RAB9A: variants seen among roughly 807,000 people sequenced by gnomAD.
The protein encoded by RAB9A is ras-related protein Rab-9A.
Under a neutral mutation model 10.3 loss-of-function variants are expected in RAB9A, and 1 was observed. That is an observed-to-expected ratio of 0.10 (90% CI 0.03 to 0.46). The LOEUF is 0.46. RAB9A is among the 20% of genes least tolerant of loss of function. The pLI, the probability that RAB9A is intolerant of heterozygous loss-of-function variation, is 0.96. For synonymous variants in RAB9A, 39 were observed against 55.2 expected, an observed-to-expected ratio of 0.71 and a Z score of 1.30; for missense variants, 92 against 150.3, an observed-to-expected ratio of 0.61 and a Z score of 2.03.
intron 1 of RAB9A, among the ~76,000 whole-genome samples, chrX:13,694,897 G>C (rs62586107): frequency 0.27 from 30,005 of 110,858 alleles, 3,176 homozygotes; most frequent in Non-Finnish European, 0.33. Flanking sequence ...GCTAAGCTGA[G>C]GGGAGGGACA....
At chrX:13,701,496 C>G (rs768244863) in intron 1 of RAB9A, among the ~76,000 whole-genome samples, 1 of 111,284 alleles carries the variant, frequency 9.0e-6, no homozygotes, top group African/African-American at 3.3e-5. Context: ...TTGGTGCAAT[C>G]TAAAACATTG....
At chrX:13,691,659 CAAAAAAA>C (rs765886332) in intron 1 of RAB9A, among the ~76,000 whole-genome samples, 6 of 15,933 alleles carry the variant, frequency 3.8e-4, no homozygotes, top group Admixed American at 1.1e-3. Flanking sequence ...GACTCCATCT[CAAAAAAA>C]AAAAAAAAAA....
At chrX:13,699,474 G>A (rs1237443663) in intron 1 of RAB9A, among the ~76,000 whole-genome samples, 1 of 112,644 alleles carries the variant, frequency 8.9e-6, no homozygotes, top group Non-Finnish European at 1.9e-5. Context: ...GGTGTTGTGT[G>A]TCCCTCCCAG....
intron 1 of RAB9A, among the ~76,000 whole-genome samples, chrX:13,691,516 C>T (rs1454516555): frequency 9.1e-6 from 1 of 109,493 alleles, no homozygotes; most frequent in Non-Finnish European, 1.9e-5. Flanking sequence ...AAAAATTAGC[C>T]AGGCGTGGTG....
At chrX:13,691,480 T>C (rs2046122899) in intron 1 of RAB9A, among the ~76,000 whole-genome samples, 1 of 109,878 alleles carries the variant, frequency 9.1e-6, no homozygotes, top group Non-Finnish European at 1.9e-5. Context: ...GCCAACATGG[T>C]GAAACTCCGT....
intron 1 of RAB9A, among the ~76,000 whole-genome samples, chrX:13,697,573 T>C (rs2046152874): frequency 8.9e-6 from 1 of 112,024 alleles, no homozygotes; most frequent in African/African-American, 3.2e-5. Context: ...TTCCCATGAG[T>C]AAGGCTGTTC....
In RAB9A at chrX:13,709,384, C is replaced by A; in HGVS notation, c.*32C>A. The A allele has an allele frequency of 8.7e-7, 1 of 1,153,432 alleles. No homozygotes were observed. The stretch of plus-strand genomic sequence containing the variant: ...GATTGTTGATGCATTCTAACCAACT[C>A]ACACATATACACAAAATCAACATGG... On this transcript the variant is annotated 3_prime_UTR_variant, in exon 3 of 3. Coordinates refer to ENST00000464506, the MANE Select transcript of RAB9A (RefSeq NM_004251.5).
intron 1 of RAB9A, among the ~76,000 whole-genome samples, chrX:13,698,565 C>G (rs1425015518): frequency 5.4e-5 from 6 of 111,334 alleles, no homozygotes. Flanking sequence ...CTTTCTTTTG[C>G]TTCTTCCTGC....
chrX:13,695,412 T>C (rs945659456), intron 1 of RAB9A, among the ~76,000 whole-genome samples: 2 of 111,999 alleles, frequency 1.8e-5, no homozygotes, highest in Non-Finnish European at 3.8e-5. Flanking sequence ...GACTTCTGTT[T>C]ATTGATCTAT....
intron 1 of RAB9A, among the ~76,000 whole-genome samples, chrX:13,700,668 G>C (rs1368255753): frequency 3.6e-5 from 4 of 112,101 alleles, no homozygotes; most frequent in Non-Finnish European, 7.5e-5. Context: ...GGATGCTGCT[G>C]AAGGGACAAG....
At chrX:13,698,202 T>C (rs2046157183) in intron 1 of RAB9A, among the ~76,000 whole-genome samples, 1 of 86,328 alleles carries the variant, frequency 1.2e-5, no homozygotes, top group Non-Finnish European at 2.3e-5. Context: ...TTTTTTTTTT[T>C]TTTTTTTTTT....
At chrX:13,706,303 T>C (rs1387904308) in intron 2 of RAB9A, among the ~76,000 whole-genome samples, 1 of 112,029 alleles carries the variant, frequency 8.9e-6, no homozygotes, top group Non-Finnish European at 1.9e-5. Context: ...AAAAAGTCTC[T>C]CAAAAGGTAT....
intron 1 of RAB9A, among the ~76,000 whole-genome samples, chrX:13,702,435 C>T (rs1024110150): frequency 8.9e-6 from 1 of 112,066 alleles, no homozygotes; most frequent in Non-Finnish European, 1.9e-5. Context: ...CACTAGAAAC[C>T]GATGTACAGT....
intron 1 of RAB9A, among the ~76,000 whole-genome samples, chrX:13,698,190 C>CT (rs67802719): frequency 2.1e-3 from 80 of 38,301 alleles, no homozygotes; most frequent in Non-Finnish European, 2.9e-3. Context: ...TCTTTTTTTT[C>CT]TTTTTTTTTT....
At chrX:13,691,199 G>T (rs947547863) in intron 1 of RAB9A, among the ~76,000 whole-genome samples, 4 of 111,641 alleles carry the variant, frequency 3.6e-5, no homozygotes, top group African/African-American at 9.8e-5. Flanking sequence ...CTAGTGCCAC[G>T]GTTGAGAAAC....
At position 13,696,147 on chromosome X, in the gene RAB9A, C is replaced by G. The variant is rs189898864; in HGVS notation, c.-116+6859C>G. ...TTGAGGCCAGGCACGGTGGCTCACA[C>G]CTGTAATCCTAGCACTTTGGGAGGC... On this transcript the variant is annotated intron_variant, in intron 1 of 2. Transcript: ENST00000464506. 3.7e-5 allele frequency among the ~76,000 whole-genome samples: 4 copies of G among 109,002 alleles called. No homozygotes were observed. In the East Asian group the frequency reaches 1.1e-3, roughly 31 times the overall value. The allele number at this position is 109,002 out of a possible 115,157, so 94.7% of individuals were successfully genotyped here. A position where few individuals can be genotyped will look rare whatever the true frequency, so the allele number is the denominator to read the frequency against.
At chrX:13,696,105 T>C (rs778313127) in intron 1 of RAB9A, among the ~76,000 whole-genome samples, 2 of 110,470 alleles carry the variant, frequency 1.8e-5, no homozygotes, top group South Asian at 7.7e-4. Context: ...GTTTCCTTAT[T>C]TGTTTTTAAA....
chrX:13,699,362 A>G, intron 1 of RAB9A, among the ~76,000 whole-genome samples: 1 of 112,265 alleles, frequency 8.9e-6, no homozygotes, highest in Middle Eastern at 4.6e-3. Flanking sequence ...GAAGTAATAT[A>G]CTCTTCGTTC....
rs192031395 is a variant in RAB9A at position 13,695,565 on chromosome X, A to G, written c.-116+6277A>G. Among the ~76,000 whole-genome samples the G allele has an allele frequency of 4.4e-3, 501 of 112,682 alleles. 2 individuals carry two copies. The highest frequency in any genetic ancestry group is 7.8e-3 in the Non-Finnish European group (417 of 53,356). ...TTTGAGCAAGCAAGGCAATAGCAAT[A>G]GGTAGTGCGAAAAGTGGACATATTT... On this transcript the variant is annotated intron_variant, in intron 1 of 2. Transcript: ENST00000464506.
Sources: allele counts gnomAD v4.1 joint callset (sites outside exome capture counted in the v4.1 genomes callset), GRCh38; gene constraint gnomAD v4.1.1; transcripts MANE v1.5; gene names NCBI Gene and HGNC (gene_info 2026-07-23, HGNC 2026-07-21).